Variants in HPS1 observed in about 807,000 individuals in gnomAD.
The protein encoded by HPS1 is HPS1 biogenesis of lysosomal organelles complex 3 subunit 1.
A neutral mutation model predicts 90.6 loss-of-function variants in HPS1; 59 were observed. That is an observed-to-expected ratio of 0.65 (90% CI 0.53 to 0.81). HPS1 has a LOEUF of 0.81. Ranked by LOEUF, HPS1 falls within the 30% of genes least tolerant of loss-of-function variation. The pLI is 0.00. For missense variants in HPS1, 849 were observed against 896.7 expected (o/e 0.95, Z 0.68); for synonymous variants, 388 against 384.4 (o/e 1.01, Z -0.11).
At position 98,445,917 on chromosome 10, in the gene HPS1, T is replaced by A. The variant is rs1370543374; in HGVS notation, c.-105-513A>T. 1.3e-5 allele frequency among the ~76,000 whole-genome samples: 2 copies of A among 152,122 alleles called. No individual in the cohort carries two copies. The highest frequency in any genetic ancestry group is 4.8e-5 in the African/African-American group (2 of 41,418). ...ACTCCTGCGGAGAAACAGAGCAACATCCCCTACTCTACCTCCCTACAGGGT... is the reference window on the plus strand; with the variant it reads ...ACTCCTGCGGAGAAACAGAGCAACAACCCCTACTCTACCTCCCTACAGGGT... On this transcript the variant is annotated intron_variant, in intron 1 of 19. Coordinates refer to ENST00000361490, the MANE Select transcript of HPS1 (RefSeq NM_000195.5). The surrounding 1 kb of genome is among the most constrained non-coding windows in gnomAD (Gnocchi z 4.5).
chr10:98,429,752 C>G (rs1402341313), intron 9 of HPS1, 39 bp downstream of exon 9: 1 of 1,613,182 alleles, frequency 6.2e-7, no homozygotes, highest in Non-Finnish European at 8.5e-7. Flanking sequence ...GAGGCCGATC[C>G]CCTCCTGCCC....
At chr10:98,424,193 TCTC>T in intron 14 of HPS1, 117 bp downstream of exon 14, 1 of 842,530 alleles carries the variant, frequency 1.2e-6, no homozygotes, top group Non-Finnish European at 2.0e-6. Flanking sequence ...TGGGAAGAAA[TCTC>T]CTTTCTTGAA....
intron 11 of HPS1, 141 bp downstream of exon 11, chr10:98,427,074 C>T: frequency 1.4e-6 from 1 of 692,554 alleles, no homozygotes; most frequent in Non-Finnish European, 2.5e-6. Flanking sequence ...GGACAGGCAC[C>T]TGCACTGACC....
At chr10:98,443,085 C>T in intron 3 of HPS1, 39 bp downstream of exon 3, 1 of 1,386,440 alleles carries the variant, frequency 7.2e-7, no homozygotes, top group East Asian at 2.3e-5. Context: ...ATGGTTCCTT[C>T]CTATCCACCC....
intron 10 of HPS1, among the ~76,000 whole-genome samples, chr10:98,427,723 G>A (rs1255845730): frequency 6.6e-6 from 1 of 152,196 alleles, no homozygotes; most frequent in East Asian, 1.9e-4. Context: ...CACCTGCTGT[G>A]TGCTGGGAAT....
At chr10:98,434,611 T>G (rs1847024968) in intron 5 of HPS1, among the ~76,000 whole-genome samples, 1 of 151,930 alleles carries the variant, frequency 6.6e-6, no homozygotes, top group African/African-American at 2.4e-5. Flanking sequence ...ATATGGGTAG[T>G]TGCTCATATC....
chr10:98,426,309 C>A (rs1845596148), intron 11 of HPS1, among the ~76,000 whole-genome samples: 1 of 152,086 alleles, frequency 6.6e-6, no homozygotes, highest in African/African-American at 2.4e-5. Flanking sequence ...GGGGAGAGGT[C>A]CCCTCCCCAC....
At chr10:98,437,224 C>T (rs1847469426) in intron 3 of HPS1, among the ~76,000 whole-genome samples, 1 of 152,198 alleles carries the variant, frequency 6.6e-6, no homozygotes, top group South Asian at 2.1e-4. Flanking sequence ...CCCCGAGAGA[C>T]TGGCACATGG....
At chr10:98,424,882 C>A (rs1845391698) in intron 13 of HPS1, among the ~76,000 whole-genome samples, 1 of 152,114 alleles carries the variant, frequency 6.6e-6, no homozygotes, top group African/African-American at 2.4e-5. Context: ...AATCCTGCAG[C>A]CTTCAGACTG....
intron 3 of HPS1, 25 bp downstream of exon 3, chr10:98,443,099 C>T: frequency 2.0e-6 from 3 of 1,512,312 alleles, no homozygotes; most frequent in Non-Finnish European, 2.8e-6. Flanking sequence ...TCCACCCCTC[C>T]TGGGACTGCC....
intron 3 of HPS1, among the ~76,000 whole-genome samples, chr10:98,436,151 GA>G (rs564324904): frequency 2.6e-5 from 4 of 152,110 alleles, no homozygotes; most frequent in Non-Finnish European, 5.9e-5. Context: ...TTGTCCTAAG[GA>G]AAATGATCAG....
chr10:98,419,420 G>C (rs1379382888), intron 18 of HPS1, among the ~76,000 whole-genome samples: 1 of 152,078 alleles, frequency 6.6e-6, no homozygotes, highest in Non-Finnish European at 1.5e-5. Context: ...GACAGGAGGA[G>C]AGGAGTCCCA....
intron 18 of HPS1, among the ~76,000 whole-genome samples, chr10:98,419,807 G>A (rs1418972725): frequency 6.6e-6 from 1 of 152,246 alleles, no homozygotes; most frequent in Non-Finnish European, 1.5e-5. Context: ...TGTGTGCCTG[G>A]ATGCCACGTG....
downstream of HPS1, chr10:98,414,771 A>G (rs946663709): frequency 3.9e-6 from 2 of 510,420 alleles, no homozygotes; most frequent in Non-Finnish European, 6.7e-6. Context: ...ATCCAAGCCC[A>G]GAGAAGGCAA....
At position 98,416,364 on chromosome 10, in the gene HPS1, T is replaced by C. The variant is rs1455168995; in HGVS notation, c.*1200A>G. The C allele has an allele frequency of 6.6e-6, 1 of 152,324 alleles. No homozygotes were observed. Among genetic ancestry groups the C allele is most frequent in the Non-Finnish European group, 1.5e-5 (1 of 68,052 alleles). The allele number at this position is 152,324 out of a possible 1,614,324, so 9.4% of individuals were successfully genotyped here. A position where few individuals can be genotyped will look rare whatever the true frequency, so the allele number is the denominator to read the frequency against. ...GTGGGCTCAGGGGATTGGAGTTTTTTCCTTTATGTTTTTCTGTATTTTCCA... is the reference window on the plus strand; with the variant it reads ...GTGGGCTCAGGGGATTGGAGTTTTTCCCTTTATGTTTTTCTGTATTTTCCA... On this transcript the variant is annotated 3_prime_UTR_variant, in exon 20 of 20. Transcript: ENST00000361490.
intron 1 of HPS1, among the ~76,000 whole-genome samples, chr10:98,446,122 T>C (rs536552075): frequency 6.6e-6 from 1 of 151,550 alleles, no homozygotes; most frequent in South Asian, 2.1e-4. Context: ...AAAACTTAAT[T>C]AGGAAGTCAA....
In HPS1 at chr10:98,427,144, C is replaced by T. The variant is rs952379786; in HGVS notation, c.987+71G>A. On this transcript the variant is annotated intron_variant, in intron 11 of 19. Transcript: ENST00000361490. ...GTAGAGTCACCCTGGAGGCGAAACC[C>T]TCAGAGCCCCCAATACTCACTGCGG... 8.9e-5 allele frequency: 120 copies of T among 1,341,838 alleles called. 1 individual carries two copies. Among genetic ancestry groups the T allele is most frequent in the Non-Finnish European group, 1.2e-4 (114 of 957,850 alleles). 83.1% of individuals were successfully genotyped at this position (1,341,838 alleles called of 1,614,324 possible). A position where few individuals can be genotyped will look rare whatever the true frequency, so the allele number is the denominator to read the frequency against.
rs1731783361 is a variant in HPS1 at position 98,445,625 on chromosome 10, C to T, written c.-105-221G>A. Among the ~76,000 whole-genome samples the T allele has an allele frequency of 6.6e-6, 1 of 152,196 alleles. No individual in the cohort carries two copies. Among genetic ancestry groups the T allele is most frequent in the Non-Finnish European group, 1.5e-5 (1 of 68,026 alleles). Reference sequence around the variant, plus strand: ...CAGCCCTTTGCACAGAGCAGGTGCCCACTTTTGTTCCTTCCTCCTTTGTTC... The same window carrying T: ...CAGCCCTTTGCACAGAGCAGGTGCCTACTTTTGTTCCTTCCTCCTTTGTTC... On this transcript the variant is annotated intron_variant, in intron 1 of 19. Coordinates refer to ENST00000361490, the MANE Select transcript of HPS1 (RefSeq NM_000195.5). The surrounding 1 kb of genome is among the most constrained non-coding windows in gnomAD (Gnocchi z 4.5).
rs562075900 is a variant in HPS1, at chr10:98,435,883, T to C, written c.118-111A>G. On this transcript the variant is annotated intron_variant, in intron 3 of 19. Coordinates refer to ENST00000361490, the MANE Select transcript of HPS1 (RefSeq NM_000195.5). This position sits in a 1 kb window ranked among gnomAD's most constrained non-coding sequence, Gnocchi z 4.3. ...AGGGTTCCATAGTGTTAGACCCTCC[T>C]GGGAGGGTATCACTGTCCTGGTAGG... The C allele has an allele frequency of 2.0e-5, 27 of 1,320,724 alleles. No individual in the cohort carries two copies. Among genetic ancestry groups the C allele is most frequent in the Non-Finnish European group, 2.9e-5 (27 of 931,198 alleles). The allele number at this position is 1,320,724 out of a possible 1,614,324, so 81.8% of individuals were successfully genotyped here.
Sources: gnomAD v4.1 joint callset for allele counts (sites outside exome capture counted in the v4.1 genomes callset) on GRCh38, gnomAD v4.1.1 for gene constraint, Gnocchi (gnomAD v3.1) non-coding constraint, MANE v1.5 for transcripts, NCBI Gene and HGNC (gene_info 2026-07-23, HGNC 2026-07-21) for gene names.